SOX6: variants seen among roughly 807,000 people sequenced by gnomAD.
SOX6 encodes the protein SRY-box transcription factor 6.
In SOX6, 11 loss-of-function variants were observed where a neutral mutation model predicts 97.8. The observed-to-expected ratio is 0.11, with a 90% CI of 0.07 to 0.19. The LOEUF (loss-of-function observed/expected upper bound fraction) is 0.19, where lower values mean the gene tolerates loss of function less well. Ranked by LOEUF, SOX6 falls within the 10% of genes least tolerant of loss-of-function variation. The probability of loss-of-function intolerance (pLI) is 1.00; values close to 1 mark genes in which losing one functional copy is unlikely to be tolerated. For synonymous variants in SOX6, 360 were observed against 371.4 expected (o/e 0.97, Z 0.35); for missense variants, 810 against 1,039.5 (o/e 0.78, Z 3.04).
At chr11:16,500,413 C>A (rs546926536) in intron 4 of SOX6, among the ~76,000 whole-genome samples, 20 of 152,242 alleles carry the variant, frequency 1.3e-4, no homozygotes, top group African/African-American at 4.3e-4. Context: ...GACAGGGATG[C>A]CCTCTCCCAC....
intron 3 of SOX6, among the ~76,000 whole-genome samples, chr11:16,260,760 T>C (rs891304105): frequency 6.6e-6 from 1 of 152,152 alleles, no homozygotes; most frequent in Non-Finnish European, 1.5e-5. Context: ...TAATTTCCAA[T>C]CATCCAAACA....
At chr11:16,344,381 ATAC>A (rs1856721846) in intron 1 of SOX6, among the ~76,000 whole-genome samples, 1 of 151,960 alleles carries the variant, frequency 6.6e-6, no homozygotes, top group African/African-American at 2.4e-5. Context: ...TTTTGCATAA[ATAC>A]TTTATTAAAT....
chr11:16,247,959 T>G (rs1853388915), intron 3 of SOX6, among the ~76,000 whole-genome samples: 2 of 152,162 alleles, frequency 1.3e-5, no homozygotes, highest in Admixed American at 6.5e-5. Flanking sequence ...AGCAAGTTAG[T>G]TACTTCCTAG....
Position 16,233,879 on chromosome 11 carries a change from C to T in SOX6, c.535+703G>A, listed in dbSNP as rs113932064. ...AAAATTAACTGGGCGTGGTGGTGCA[C>T]GCCTATAGGCCCAGCTACTCAGGGG... On this transcript the variant is annotated intron_variant, in intron 4 of 15. Coordinates refer to ENST00000683767, the MANE Select transcript of SOX6 (RefSeq NM_001367873.1). Among the ~76,000 whole-genome samples, 672 of 151,714 alleles carry T rather than the reference C, an allele frequency of 4.4e-3. 4 individuals are homozygous for T. The highest frequency in any genetic ancestry group is 0.015 in the African/African-American group (608 of 41,404).
chr11:15,991,822 A>G (rs895579370), intron 13 of SOX6, among the ~76,000 whole-genome samples: 11 of 152,198 alleles, frequency 7.2e-5, no homozygotes, highest in African/African-American at 1.9e-4. Context: ...CTCCATACCA[A>G]TAGAGTCTCC....
At chr11:16,351,894 T>A (rs1487771796) in intron 1 of SOX6, among the ~76,000 whole-genome samples, 1 of 152,068 alleles carries the variant, frequency 6.6e-6, no homozygotes, top group African/African-American at 2.4e-5. Flanking sequence ...ATTACAAACT[T>A]CTCAAGGGTG....
At chr11:16,292,015 C>T (rs1255241847) in intron 3 of SOX6, among the ~76,000 whole-genome samples, 1 of 152,048 alleles carries the variant, frequency 6.6e-6, no homozygotes, top group Non-Finnish European at 1.5e-5. Context: ...TGTTTAACAT[C>T]CTGCTTATGG....
intron 4 of SOX6, among the ~76,000 whole-genome samples, chr11:16,200,350 T>C (rs1035850335): frequency 2.0e-5 from 3 of 152,216 alleles, no homozygotes; most frequent in African/African-American, 7.2e-5. Flanking sequence ...TTTATAGGCA[T>C]ATTGAATACA....
intron 4 of SOX6, among the ~76,000 whole-genome samples, chr11:16,522,079 TC>T (rs1861075281): frequency 6.6e-6 from 1 of 151,998 alleles, no homozygotes; most frequent in Non-Finnish European, 1.5e-5. Flanking sequence ...CAGGAGAACT[TC>T]CCCAATCTAG....
chr11:16,366,155 C>A (rs781652691), intron 1 of SOX6, among the ~76,000 whole-genome samples: 18 of 152,118 alleles, frequency 1.2e-4, no homozygotes, highest in Non-Finnish European at 2.4e-4. Context: ...CCTCTAAGTA[C>A]TAGGCATAGG....
chr11:16,324,743 A>G (rs1280644444), intron 2 of SOX6, among the ~76,000 whole-genome samples: 1 of 152,166 alleles, frequency 6.6e-6, no homozygotes, highest in Non-Finnish European at 1.5e-5. Flanking sequence ...ACAATGGAAT[A>G]TTATTTACAG....
chr11:16,695,912 CAGG>C (rs1848050340), intron 3 of SOX6, among the ~76,000 whole-genome samples: 1 of 151,998 alleles, frequency 6.6e-6, no homozygotes, highest in African/African-American at 2.4e-5. Context: ...GAGGCTGAGG[CAGG>C]AGAATTGCTT....
intron 9 of SOX6, among the ~76,000 whole-genome samples, chr11:16,058,148 C>A (rs1197081392): frequency 6.6e-6 from 1 of 151,730 alleles, no homozygotes; most frequent in Admixed American, 6.6e-5. Context: ...ATTTGCTAAT[C>A]TTTGACATTT....
intron 9 of SOX6, among the ~76,000 whole-genome samples, chr11:16,066,300 G>A (rs2133936046): frequency 6.6e-6 from 1 of 152,176 alleles, no homozygotes; most frequent in East Asian, 1.9e-4. Flanking sequence ...GTACACTGTT[G>A]GTGAGAATGT....
intron 3 of SOX6, chr11:16,316,406 G>T (rs1855759318): frequency 6.6e-6 from 1 of 150,858 alleles, no homozygotes; most frequent in Non-Finnish European, 1.5e-5. Flanking sequence ...ATATACTAAA[G>T]ATGCCTGAAT....
intron 3 of SOX6, among the ~76,000 whole-genome samples, chr11:16,684,642 G>C (rs1348771903): frequency 6.6e-6 from 1 of 152,114 alleles, no homozygotes; most frequent in African/African-American, 2.4e-5. Flanking sequence ...ATGACAAGTT[G>C]ATGGGTGCAG....
intron 7 of SOX6, among the ~76,000 whole-genome samples, chr11:16,105,680 T>C (rs530792615): frequency 1.3e-5 from 2 of 152,146 alleles, no homozygotes; most frequent in Non-Finnish European, 2.9e-5. Context: ...ACTGCTGCTA[T>C]TCAGTCTTGT....
chr11:15,993,595 A>G (rs1854124092), intron 13 of SOX6, among the ~76,000 whole-genome samples: 1 of 152,180 alleles, frequency 6.6e-6, no homozygotes, highest in African/African-American at 2.4e-5. Flanking sequence ...AGTAGGCTTC[A>G]AGGGAAAGCA....
At chr11:16,496,846 G>A (rs948462087) in intron 4 of SOX6, among the ~76,000 whole-genome samples, 53 of 152,168 alleles carry the variant, frequency 3.5e-4, no homozygotes, top group African/African-American at 6.8e-4. Context: ...GGAGCCCACC[G>A]CAGGTCAAGG....
Sources: gnomAD v4.1 joint callset for allele counts (sites outside exome capture counted in the v4.1 genomes callset) on GRCh38, gnomAD v4.1.1 for gene constraint, MANE v1.5 for transcripts, NCBI Gene and HGNC (gene_info 2026-07-23, HGNC 2026-07-21) for gene names.